Variants in CLDN15 observed in about 807,000 individuals in gnomAD.
The protein encoded by CLDN15 is claudin-15.
Under a neutral mutation model 24.5 loss-of-function variants are expected in CLDN15, and 9 were observed. The observed-to-expected ratio is 0.37, with a 90% confidence interval of 0.22 to 0.64. CLDN15 has a LOEUF of 0.64. Among genes scored for constraint, CLDN15 ranks in the 30% least tolerant of loss-of-function variants. CLDN15 has a pLI of 0.63. For missense variants in CLDN15, 248 were observed against 305.9 expected (o/e 0.81, Z 1.41); for synonymous variants, 149 against 131.4 (o/e 1.13, Z -0.92).
intron 1 of CLDN15, among the ~76,000 whole-genome samples, chr7:101,235,069 A>C (rs1344185018): frequency 6.6e-6 from 1 of 152,172 alleles, no homozygotes; most frequent in Non-Finnish European, 1.5e-5. Context: ...CGCCCGGCTG[A>C]GAACAACTGC....
rs749495146 is a variant in CLDN15 at position 101,232,434 on chromosome 7, T to G, written c.663A>C (p.Lys221Asn). The change falls in exon 5 of 5, where the codon AAA becomes AAC. Residue 221 changes from lysine to asparagine, a missense_variant. Transcript: ENST00000308344. ...GCTACACGTAGGCGTTTCTGCCGTATTTGCCAAAGCTGCTGTCGCCTTCTT... is the reference window on the plus strand; with the variant it reads ...GCTACACGTAGGCGTTTCTGCCGTAGTTGCCAAAGCTGCTGTCGCCTTCTT... ...SDQEGDSSFG[K>N]YGRNAYV 1.9e-6 allele frequency: 3 copies of G among 1,613,272 alleles called. No individual in the cohort carries two copies. Among genetic ancestry groups the G allele is most frequent in the Non-Finnish European group, 2.5e-6 (3 of 1,179,470 alleles).
intron 2 of CLDN15, 34 bp from the exon 3 acceptor site, chr7:101,232,948 G>A (rs779796556): frequency 6.6e-7 from 1 of 1,523,530 alleles, no homozygotes; most frequent in East Asian, 2.3e-5. Context: ...GTCCAGTCCA[G>A]GGGGAGGGAT....
In CLDN15 at chr7:101,237,710, C is replaced by T; in HGVS notation, c.-129G>A. 1.5e-6 allele frequency: 1 copy of T among 673,862 alleles called. No individual in the cohort carries two copies. The highest frequency in any genetic ancestry group is 2.7e-6 in the Non-Finnish European group (1 of 375,150). 41.7% of individuals were successfully genotyped at this position (673,862 alleles called of 1,614,324 possible). On this transcript the variant is annotated 5_prime_UTR_variant, in exon 1 of 5. Transcript: ENST00000308344. The surrounding 1 kb of genome is among the most constrained non-coding windows in gnomAD (Gnocchi z 4.0). ...GCTGGGGTGGAATCAGCCTCAGCCT[C>T]TGCCTGCCTCTTCCTCGGGCTCAGG...
upstream of CLDN15, chr7:101,238,006 G>A (rs141809529): frequency 4.6e-4 from 121 of 261,808 alleles, no homozygotes; most frequent in African/African-American, 2.5e-3. Context: ...GAGGGGAAGC[G>A]TCTGTCTCTG....
In CLDN15 at chr7:101,232,376, G is replaced by A; in HGVS notation, c.*34C>T. 6.7e-7 allele frequency: 1 copy of A among 1,489,560 alleles called. No individual in the cohort carries two copies. The highest frequency in any genetic ancestry group is 9.3e-7 in the Non-Finnish European group (1 of 1,070,634). 92.3% of individuals were successfully genotyped at this position (1,489,560 alleles called of 1,614,324 possible). ...GGCCAGGTCCCCTCTCCTTGGGGCA[G>A]TGGGAAGACAGCGGGGCCCACGGGC... On this transcript the variant is annotated 3_prime_UTR_variant, in exon 5 of 5. Coordinates refer to ENST00000308344, the MANE Select transcript of CLDN15 (RefSeq NM_014343.3).
chr7:101,232,464 C>G lies in CLDN15; in HGVS notation c.633G>C (p.Ser211=). The part of the protein sequence containing the change: ...APVSVMPVAT[S]DQEGDSSFGK... ...CAAAGCTGCTGTCGCCTTCTTGGTC[C>G]GAGGTGGCGACGGGCATCACGGACA... The change falls in exon 5 of 5, where the codon TCG becomes TCC. Residue 211 remains serine (S), a synonymous_variant. Coordinates refer to ENST00000308344, the MANE Select transcript of CLDN15 (RefSeq NM_014343.3). The G allele has an allele frequency of 6.2e-7, 1 of 1,613,542 alleles. No homozygotes were observed. Among genetic ancestry groups the G allele is most frequent in the Non-Finnish European group, 8.5e-7 (1 of 1,179,654 alleles).
intron 1 of CLDN15, among the ~76,000 whole-genome samples, chr7:101,236,528 G>T (rs1363949650): frequency 6.6e-6 from 1 of 152,226 alleles, no homozygotes; most frequent in Non-Finnish European, 1.5e-5. Context: ...GGCGTGCAGC[G>T]GCACCACACA....
chr7:101,236,803 T>G, intron 1 of CLDN15: 1 of 1,291,112 alleles, frequency 7.7e-7, no homozygotes, highest in South Asian at 1.2e-5. Context: ...GCAAGACGCC[T>G]CCCTTCACAG....
chr7:101,232,797 C>A lies in CLDN15; in HGVS notation c.464+36G>T. 1.9e-6 allele frequency: 3 copies of A among 1,590,376 alleles called. No individual in the cohort carries two copies. In the East Asian group the frequency reaches 6.7e-5, roughly 36 times the overall value. On this transcript the variant is annotated intron_variant, in intron 3 of 4. Transcript: ENST00000308344. Reference sequence around the variant, plus strand: ...GGGCAGGGCTGAGTCCCACCCGCTGCCCCGAGGGCGGGGGGTGGGGGGTTT... The same window carrying A: ...GGGCAGGGCTGAGTCCCACCCGCTGACCCGAGGGCGGGGGGTGGGGGGTTT...
At chr7:101,233,918 C>T in intron 2 of CLDN15, 3 of 401,374 alleles carry the variant, frequency 7.5e-6, no homozygotes, top group South Asian at 5.8e-5. Context: ...GCCACCATGC[C>T]CCGTGGTATG....
Position 101,237,286 on chromosome 7 carries a change from A to C in CLDN15, c.217+79T>G. The C allele has an allele frequency of 1.1e-6, 1 of 946,600 alleles. No homozygotes were observed. The highest frequency in any genetic ancestry group is 1.4e-5 in the South Asian group (1 of 71,778). The allele number at this position is 946,600 out of a possible 1,614,324, so 58.6% of individuals were successfully genotyped here. On this transcript the variant is annotated intron_variant, in intron 1 of 4. Transcript: ENST00000308344. This position sits in a 1 kb window ranked among gnomAD's most constrained non-coding sequence, Gnocchi z 4.0. ...TTAATTCAGGGCTCCCTGCATCCTCACGGAAGTACCCGCCCTCCCCTGGGG... is the reference window on the plus strand; with the variant it reads ...TTAATTCAGGGCTCCCTGCATCCTCCCGGAAGTACCCGCCCTCCCCTGGGG...
chr7:101,237,918 G>A, upstream of CLDN15: 1 of 365,268 alleles, frequency 2.7e-6, no homozygotes, highest in Admixed American at 3.8e-5. This position sits in a 1 kb window ranked among gnomAD's most constrained non-coding sequence, Gnocchi z 4.0. Context: ...GCCCCACGAG[G>A]GTGGGGGGGG....
upstream of CLDN15, chr7:101,237,915 G>A (rs543800671): frequency 3.0e-4 from 112 of 367,974 alleles, no homozygotes; most frequent in South Asian, 2.4e-3. The surrounding 1 kb of genome is among the most constrained non-coding windows in gnomAD (Gnocchi z 4.0). Context: ...CCCGCCCCAC[G>A]AGGGTGGGGG....
At position 101,232,279 on chromosome 7, in the gene CLDN15, G is replaced by A. The variant is rs1798513809; in HGVS notation, c.*131C>T. 1 of 630,754 alleles carries A rather than the reference G, an allele frequency of 1.6e-6. No individual in the cohort carries two copies. Among genetic ancestry groups the A allele is most frequent in the African/African-American group, 1.9e-5 (1 of 53,590 alleles). 39.1% of individuals were successfully genotyped at this position (630,754 alleles called of 1,614,324 possible). ...GGGCCATGAGAGTGCAAGACACGGGGCCGTGGCCGGGGCGGGGCTACGGGA... is the reference window on the plus strand; with the variant it reads ...GGGCCATGAGAGTGCAAGACACGGGACCGTGGCCGGGGCGGGGCTACGGGA... On this transcript the variant is annotated 3_prime_UTR_variant, in exon 5 of 5. Coordinates refer to ENST00000308344, the MANE Select transcript of CLDN15 (RefSeq NM_014343.3).
chr7:101,237,294 A>G lies in CLDN15; in HGVS notation c.217+71T>C. On this transcript the variant is annotated intron_variant, in intron 1 of 4. Transcript: ENST00000308344. The surrounding 1 kb of genome is among the most constrained non-coding windows in gnomAD (Gnocchi z 4.0). The stretch of plus-strand genomic sequence containing the variant: ...GGGCTCCCTGCATCCTCACGGAAGT[A>G]CCCGCCCTCCCCTGGGGTCTCTGCA... 1 of 1,007,514 alleles carries G rather than the reference A, an allele frequency of 9.9e-7. No homozygotes were observed. The highest frequency in any genetic ancestry group is 1.5e-6 in the Non-Finnish European group (1 of 651,986). The allele number at this position is 1,007,514 out of a possible 1,614,324, so 62.4% of individuals were successfully genotyped here. A position where few individuals can be genotyped will look rare whatever the true frequency, so the allele number is the denominator to read the frequency against.
At chr7:101,235,206 T>TTGG (rs1434169024) in intron 1 of CLDN15, among the ~76,000 whole-genome samples, 1 of 152,226 alleles carries the variant, frequency 6.6e-6, no homozygotes, top group Non-Finnish European at 1.5e-5. Context: ...CATTTTGACC[T>TTGG]TGGTTTCTTC....
chr7:101,237,938 C>T (rs1396757576), upstream of CLDN15: 3 of 340,280 alleles, frequency 8.8e-6, no homozygotes, highest in Non-Finnish European at 1.7e-5. The surrounding 1 kb of genome is among the most constrained non-coding windows in gnomAD (Gnocchi z 4.0). Context: ...GCAGACTTAC[C>T]CTGGAGCCAC....
chr7:101,237,851 G>A (rs987745249), upstream of CLDN15: 15 of 495,642 alleles, frequency 3.0e-5, no homozygotes, highest in South Asian at 4.2e-5. This position sits in a 1 kb window ranked among gnomAD's most constrained non-coding sequence, Gnocchi z 4.0. Flanking sequence ...GGGAATAACC[G>A]AAACGGGCCA....
rs34812545 is a variant in CLDN15, at chr7:101,233,610, ATTTT to A, written c.382+664_382+667del. On this transcript the variant is annotated intron_variant, in intron 2 of 4. Transcript: ENST00000308344. ...TCAAGGCAGTTCTCCTGCCTTGGCC[ATTTT>A]TTTTTTGACAGTCTCACTCTTTCAC... Among the ~76,000 whole-genome samples, 3 of 148,996 alleles carry A rather than the reference ATTTT, an allele frequency of 2.0e-5. No individual in the cohort carries two copies. The East Asian group carries it at 5.9e-4, about 29-fold the overall frequency.
Sources: allele counts gnomAD v4.1 joint callset (sites outside exome capture counted in the v4.1 genomes callset), GRCh38; gene constraint gnomAD v4.1.1; non-coding constraint Gnocchi (gnomAD v3.1); transcripts MANE v1.5; gene names NCBI Gene and HGNC (gene_info 2026-07-23, HGNC 2026-07-21).